CHRM2: variants seen among roughly 807,000 people sequenced by gnomAD.
The protein encoded by CHRM2 is muscarinic acetylcholine receptor M2.
A neutral mutation model predicts 25.0 loss-of-function variants in CHRM2; 8 were observed. That is an observed-to-expected ratio of 0.32 (90% CI 0.19 to 0.58). The LOEUF (loss-of-function observed/expected upper bound fraction) is 0.58. Among genes scored for constraint, CHRM2 ranks in the 20% least tolerant of loss-of-function variants. The pLI is 0.88. For missense variants in CHRM2, 440 were observed against 567.1 expected, an observed-to-expected ratio of 0.78 and a Z score of 2.28; for synonymous variants, 202 against 205.7, an observed-to-expected ratio of 0.98 and a Z score of 0.15.
At chr7:136,955,536 C>G (rs1317298149) in intron 2 of CHRM2, among the ~76,000 whole-genome samples, 1 of 152,190 alleles carries the variant, frequency 6.6e-6, no homozygotes, top group Non-Finnish European at 1.5e-5. Flanking sequence ...TGGATGAGCT[C>G]TGTATCCATG....
At chr7:136,912,770 A>G (rs1408352219) in intron 2 of CHRM2, among the ~76,000 whole-genome samples, 2 of 152,002 alleles carry the variant, frequency 1.3e-5, no homozygotes, top group African/African-American at 2.4e-5. Context: ...ATAAATGTTT[A>G]CCATTCCTAA....
chr7:136,994,607 C>T (rs567511777), intron 3 of CHRM2, among the ~76,000 whole-genome samples: 152 of 147,210 alleles, frequency 1.0e-3, no homozygotes, highest in Middle Eastern at 3.5e-3. Flanking sequence ...CTCGGCTCAC[C>T]GCAACCTCCT....
chr7:136,983,253 T>C (rs569822172), intron 2 of CHRM2, among the ~76,000 whole-genome samples: 2 of 152,388 alleles, frequency 1.3e-5, no homozygotes, highest in East Asian at 3.9e-4. Context: ...TACTTGTGTA[T>C]GCTTCACAAA....
At chr7:136,896,970 A>C (rs182606626) in intron 2 of CHRM2, among the ~76,000 whole-genome samples, 26 of 152,190 alleles carry the variant, frequency 1.7e-4, no homozygotes, top group African/African-American at 6.0e-4. Flanking sequence ...GAAGACTGAA[A>C]AGAAGGAGTC....
chr7:136,901,933 G>T (rs557446598), intron 2 of CHRM2: 77 of 151,982 alleles, frequency 5.1e-4, no homozygotes, highest in African/African-American at 1.7e-3. Flanking sequence ...TGTGCTGCTC[G>T]TCTCTATGCT....
intron 2 of CHRM2, among the ~76,000 whole-genome samples, chr7:136,916,514 G>A (rs180810996): frequency 4.9e-4 from 75 of 151,516 alleles, no homozygotes; most frequent in African/African-American, 1.8e-3. Flanking sequence ...CTCTGTTTCT[G>A]TTCTCGCAAG....
In CHRM2 at chr7:137,012,338, A is replaced by T. The variant is rs548420442; in HGVS notation, c.-46-2482A>T. ...TTTTTGTTCAAATAAATTACCATGA[A>T]TATACAATTGTATGATTAATTGCAA... On this transcript the variant is annotated intron_variant, in intron 3 of 3. Transcript: ENST00000680005. Among the ~76,000 whole-genome samples the T allele has an allele frequency of 2.5e-4, 38 of 152,168 alleles. No homozygotes were observed. The South Asian group carries it at 6.2e-3, about 25-fold the overall frequency.
intron 2 of CHRM2, among the ~76,000 whole-genome samples, chr7:136,912,879 T>C (rs1430739271): frequency 6.6e-6 from 1 of 151,982 alleles, no homozygotes; most frequent in Non-Finnish European, 1.5e-5. Context: ...GCGGTAATGA[T>C]ACACATCTCA....
At position 136,901,137 on chromosome 7, in the gene CHRM2, G is replaced by A. The variant is rs142204629; in HGVS notation, c.-125+31719G>A. On this transcript the variant is annotated intron_variant, in intron 2 of 3. Transcript: ENST00000680005. Reference sequence around the variant, plus strand: ...GCCAGTAGATTGTCCTGTACAGCCCGGGGAGTGTGGGCACCCCCAAAGTGG... The same window carrying A: ...GCCAGTAGATTGTCCTGTACAGCCCAGGGAGTGTGGGCACCCCCAAAGTGG... Among the ~76,000 whole-genome samples the A allele has an allele frequency of 1.4e-3, 209 of 152,112 alleles. 1 individual carries two copies. Among genetic ancestry groups the A allele is most frequent in the Non-Finnish European group, 2.1e-3 (141 of 67,966 alleles).
rs897671856 is a variant in CHRM2 at position 136,891,187 on chromosome 7, A to G, written c.-125+21769A>G. ...ACAACAAACCAATACTGAAACATTA[A>G]CTAAAGTTCAAACTTTAATCAGATT... On this transcript the variant is annotated intron_variant, in intron 2 of 3. Coordinates refer to ENST00000680005, the MANE Select transcript of CHRM2 (RefSeq NM_001006630.2). Among the ~76,000 whole-genome samples the G allele has an allele frequency of 1.6e-4, 24 of 152,326 alleles. No homozygotes were observed. The Middle Eastern group carries it at 0.01, about 65-fold the overall frequency.
intron 2 of CHRM2, among the ~76,000 whole-genome samples, chr7:136,983,147 T>G (rs769620079): frequency 6.6e-6 from 1 of 152,196 alleles, no homozygotes; most frequent in Admixed American, 6.5e-5. Context: ...TTCCTTTTCA[T>G]TCTTTTTACT....
At chr7:136,886,388 G>A (rs1290995270) in intron 2 of CHRM2, among the ~76,000 whole-genome samples, 1 of 152,194 alleles carries the variant, frequency 6.6e-6, no homozygotes, top group Non-Finnish European at 1.5e-5. Context: ...CCAAAGCACT[G>A]AAAGAAGCCA....
chr7:137,011,422 C>T (rs530444076), intron 3 of CHRM2, among the ~76,000 whole-genome samples: 1 of 151,842 alleles, frequency 6.6e-6, no homozygotes, highest in African/African-American at 2.4e-5. Flanking sequence ...TGGTGTAAGT[C>T]CTGGAGTTCA....
chr7:137,011,609 G>A (rs966119950), intron 3 of CHRM2, among the ~76,000 whole-genome samples: 22 of 151,956 alleles, frequency 1.4e-4, no homozygotes, highest in Non-Finnish European at 3.1e-4. Context: ...ACTCAAACAC[G>A]AATTGCCTCT....
intron 2 of CHRM2, among the ~76,000 whole-genome samples, chr7:136,985,086 A>G (rs1273022244): frequency 1.3e-5 from 2 of 152,154 alleles, no homozygotes; most frequent in African/African-American, 4.8e-5. Flanking sequence ...CTGTTCTAGT[A>G]TCATGGTAAG....
chr7:137,015,521 A>C lies in CHRM2; in HGVS notation c.656A>C (p.Lys219Thr). 1 of 1,613,130 alleles carries C rather than the reference A, an allele frequency of 6.2e-7. No individual in the cohort carries two copies. The highest frequency in any genetic ancestry group is 8.5e-7 in the Non-Finnish European group (1 of 1,179,596). ...ISRASKSRIK[K>T]DKKEPVANQD... ...CGAGCCAGCAAGAGCAGGATAAAGA[A>C]GGACAAGAAGGAGCCTGTTGCCAAC... Residue 219 changes from lysine (K) to threonine (T), a missense_variant, in exon 4 of 4, where the codon AAG (lysine) becomes ACG (threonine). By Grantham distance (78) the Lys-to-Thr change is moderately conservative. Coordinates refer to ENST00000680005, the MANE Select transcript of CHRM2 (RefSeq NM_001006630.2). This position sits in a 1 kb window ranked among gnomAD's most constrained non-coding sequence, Gnocchi z 5.1.
intron 3 of CHRM2, among the ~76,000 whole-genome samples, chr7:136,998,117 T>A (rs982023145): frequency 3.9e-5 from 6 of 152,216 alleles, no homozygotes; most frequent in Non-Finnish European, 7.3e-5. Flanking sequence ...TGGCTTTTAA[T>A]GAGTTAGTAG....
Position 136,892,881 on chromosome 7 carries a change from G to C in CHRM2, c.-125+23463G>C, listed in dbSNP as rs140111859. Among the ~76,000 whole-genome samples, 851 of 152,186 alleles carry C rather than the reference G, an allele frequency of 5.6e-3. 5 individuals are homozygous for C. Among genetic ancestry groups the C allele is most frequent in the African/African-American group, 0.019 (809 of 41,518 alleles). On this transcript the variant is annotated intron_variant, in intron 2 of 3. Coordinates refer to ENST00000680005, the MANE Select transcript of CHRM2 (RefSeq NM_001006630.2). ...GACGGGATTTCACCATGTTGGCCAA[G>C]CTGGTCTCGAACTCCTGACCTCAGG...
chr7:136,954,436 C>T (rs994947548), intron 2 of CHRM2, among the ~76,000 whole-genome samples: 4 of 152,094 alleles, frequency 2.6e-5, no homozygotes, highest in South Asian at 2.1e-4. Flanking sequence ...TTTCTTCCTC[C>T]ATATTACCTG....
Sources: gnomAD v4.1 joint callset for allele counts (sites outside exome capture counted in the v4.1 genomes callset) on GRCh38, gnomAD v4.1.1 for gene constraint, Gnocchi (gnomAD v3.1) non-coding constraint, MANE v1.5 for transcripts, NCBI Gene and HGNC (gene_info 2026-07-23, HGNC 2026-07-21) for gene names.